CFDP1: variants seen among roughly 807,000 people sequenced by gnomAD.
The protein encoded by CFDP1 is heterochromatin-stabilizing protein CFDP1.
CFDP1 carries 31 observed loss-of-function variants against 40.1 expected under a neutral mutation model. The ratio of observed to expected loss-of-function variants is 0.77; its 90% CI spans 0.58 to 1.04. The LOEUF (loss-of-function observed/expected upper bound fraction) is 1.04. Ranked by LOEUF, CFDP1 falls within the 50% of genes least tolerant of loss-of-function variation. The pLI is 0.00. For synonymous variants in CFDP1, 167 were observed against 120.0 expected (o/e 1.39, Z -2.56); for missense variants, 423 against 343.4 (o/e 1.23, Z -1.83).
chr16:75,346,148 T>C (rs1398289647), intron 5 of CFDP1, among the ~76,000 whole-genome samples: 1 of 152,192 alleles, frequency 6.6e-6, no homozygotes, highest in Non-Finnish European at 1.5e-5. Flanking sequence ...CTAGCACATG[T>C]GAAGTGAAAG....
chr16:75,352,114 G>C (rs757858650), intron 5 of CFDP1, among the ~76,000 whole-genome samples: 1 of 151,810 alleles, frequency 6.6e-6, no homozygotes, highest in Non-Finnish European at 1.5e-5. Flanking sequence ...GCTGAGGTGG[G>C]TGGATTACTT....
chr16:75,381,453 C>G (rs1567664030), intron 5 of CFDP1, among the ~76,000 whole-genome samples: 2 of 151,908 alleles, frequency 1.3e-5, no homozygotes, highest in East Asian at 3.8e-4. Flanking sequence ...TTGGATTGGG[C>G]AGTTAGGGGC....
intron 5 of CFDP1, among the ~76,000 whole-genome samples, chr16:75,306,971 A>T (rs1442135814): frequency 6.6e-6 from 1 of 151,998 alleles, no homozygotes; most frequent in East Asian, 1.9e-4. Context: ...ATGGAAACTT[A>T]CTGTGTCTCA....
intron 1 of CFDP1, among the ~76,000 whole-genome samples, chr16:75,422,824 T>C (rs556919612): frequency 2.6e-5 from 4 of 151,914 alleles, no homozygotes; most frequent in Non-Finnish European, 4.4e-5. Context: ...CCAGCCTGGG[T>C]GACGGAGCAA....
At chr16:75,351,985 G>A (rs12926447) in intron 5 of CFDP1, among the ~76,000 whole-genome samples, 30,383 of 138,340 alleles carry the variant, frequency 0.22, 3,759 homozygotes, top group African/African-American at 0.35. Flanking sequence ...TCCAGCCTGG[G>A]CGACAGACTG....
At chr16:75,375,997 G>A (rs1446248834) in intron 5 of CFDP1, among the ~76,000 whole-genome samples, 1 of 152,154 alleles carries the variant, frequency 6.6e-6, no homozygotes, top group Non-Finnish European at 1.5e-5. Context: ...AGGACTGCTT[G>A]AGCCTAGGAG....
intron 5 of CFDP1, among the ~76,000 whole-genome samples, chr16:75,359,726 G>T (rs905939088): frequency 6.6e-6 from 1 of 152,062 alleles, no homozygotes; most frequent in Non-Finnish European, 1.5e-5. Flanking sequence ...AGCAAATTTG[G>T]AGACATATCA....
At chr16:75,314,238 T>A (rs1475121273) in intron 5 of CFDP1, among the ~76,000 whole-genome samples, 1 of 152,138 alleles carries the variant, frequency 6.6e-6, no homozygotes, top group African/African-American at 2.4e-5. Flanking sequence ...AGTGAATAAC[T>A]ACCTTCAATG....
chr16:75,321,549 ATTGTTTTGTT>A (rs1168316287), intron 5 of CFDP1, among the ~76,000 whole-genome samples: 6 of 152,060 alleles, frequency 3.9e-5, no homozygotes, highest in African/African-American at 1.4e-4. Flanking sequence ...TTATTCTGTT[ATTGTTTTGTT>A]TTGTTTTGGG....
At chr16:75,371,631 T>C (rs919615161) in intron 5 of CFDP1, among the ~76,000 whole-genome samples, 6 of 152,336 alleles carry the variant, frequency 3.9e-5, no homozygotes, top group African/African-American at 1.2e-4. Context: ...TACTATAGCC[T>C]AACATTCATA....
At chr16:75,428,085 G>C (rs2079361726) in intron 1 of CFDP1, among the ~76,000 whole-genome samples, 1 of 152,078 alleles carries the variant, frequency 6.6e-6, no homozygotes, top group Non-Finnish European at 1.5e-5. Flanking sequence ...CTGGGGCCGG[G>C]GGTGAGGGAG....
At chr16:75,330,302 A>G (rs960230191) in intron 5 of CFDP1, among the ~76,000 whole-genome samples, 1 of 152,194 alleles carries the variant, frequency 6.6e-6, no homozygotes, top group Non-Finnish European at 1.5e-5. Flanking sequence ...AAAAATAATG[A>G]TAAGCCTGGG....
chr16:75,411,732 T>C (rs1010980043), intron 4 of CFDP1, 93 bp downstream of exon 4: 14 of 1,246,774 alleles, frequency 1.1e-5, no homozygotes, highest in East Asian at 2.3e-5. Context: ...AATATTATGA[T>C]GGATTGAAAA....
At chr16:75,423,274 C>T (rs1233376828) in intron 1 of CFDP1, among the ~76,000 whole-genome samples, 3 of 99,446 alleles carry the variant, frequency 3.0e-5, no homozygotes, top group African/African-American at 1.0e-4. Context: ...GAGCAAGACT[C>T]CGTCTCAAAA....
intron 5 of CFDP1, among the ~76,000 whole-genome samples, chr16:75,356,739 GAAGA>G (rs1468508863): frequency 6.6e-6 from 1 of 151,898 alleles, no homozygotes; most frequent in Non-Finnish European, 1.5e-5. Flanking sequence ...AAAATAATAA[GAAGA>G]AAGAAAAAAG....
At chr16:75,412,126 T>G (rs1207991644) in intron 3 of CFDP1, among the ~76,000 whole-genome samples, 174 bp from the exon 4 acceptor site, 1 of 152,168 alleles carries the variant, frequency 6.6e-6, no homozygotes, top group African/African-American at 2.4e-5. Context: ...AAAGCGATTC[T>G]CCTTGCTTCA....
intron 5 of CFDP1, among the ~76,000 whole-genome samples, chr16:75,369,681 A>G (rs753634238): frequency 1.3e-4 from 20 of 152,256 alleles, no homozygotes; most frequent in Non-Finnish European, 2.8e-4. Flanking sequence ...CAGAGTCTCA[A>G]CAGCAGGTTA....
intron 5 of CFDP1, among the ~76,000 whole-genome samples, chr16:75,349,668 A>T (rs1567653446): frequency 0.077 from 704 of 9,136 alleles, 27 homozygotes; most frequent in Non-Finnish European, 0.11. Context: ...AAAAAAAAAA[A>T]AAAAAAAAAA....
At chr16:75,346,251 G>A (rs2078563059) in intron 5 of CFDP1, among the ~76,000 whole-genome samples, 2 of 152,158 alleles carry the variant, frequency 1.3e-5, no homozygotes, top group Non-Finnish European at 2.9e-5. Flanking sequence ...GAATGTCAAT[G>A]TGCTGAAGTT....
Sources: gnomAD v4.1 joint callset for allele counts (sites outside exome capture counted in the v4.1 genomes callset) on GRCh38, gnomAD v4.1.1 for gene constraint, MANE v1.5 for transcripts, NCBI Gene and HGNC (gene_info 2026-07-23, HGNC 2026-07-21) for gene names.